Variants in THADA observed in about 807,000 individuals in gnomAD.
The protein encoded by THADA is tRNA (32-2'-O)-methyltransferase regulator THADA.
In THADA, 213 loss-of-function variants were observed where a neutral mutation model predicts 219.8. The observed-to-expected ratio is 0.97, with a 90% confidence interval of 0.87 to 1.09. The LOEUF (loss-of-function observed/expected upper bound fraction) is 1.09. THADA is among the 50% of genes least tolerant of loss of function. The pLI, the probability that THADA is intolerant of heterozygous loss-of-function variation, is 0.00. For missense variants in THADA, 2,956 were observed against 2,311.3 expected, an observed-to-expected ratio of 1.28 and a Z score of -5.72; for synonymous variants, 1,018 against 828.9, an observed-to-expected ratio of 1.23 and a Z score of -3.92.
At chr2:43,398,358 G>T (rs1674362131) in intron 28 of THADA, among the ~76,000 whole-genome samples, 1 of 152,164 alleles carries the variant, frequency 6.6e-6, no homozygotes, top group East Asian at 1.9e-4. Context: ...CTTTATCATG[G>T]AGATTAAATG....
chr2:43,520,080 A>G (rs932577516), intron 22 of THADA, among the ~76,000 whole-genome samples: 3 of 152,166 alleles, frequency 2.0e-5, no homozygotes, highest in Non-Finnish European at 4.4e-5. Flanking sequence ...TCATCACACA[A>G]TCCAGGGCCT....
intron 26 of THADA, among the ~76,000 whole-genome samples, chr2:43,449,845 G>C (rs1682091951): frequency 6.6e-6 from 1 of 152,176 alleles, no homozygotes; most frequent in African/African-American, 2.4e-5. Context: ...AACTTTGGAG[G>C]CTAGAAGGCA....
At chr2:43,434,462 C>T (rs1679809889) in intron 26 of THADA, among the ~76,000 whole-genome samples, 1 of 152,168 alleles carries the variant, frequency 6.6e-6, no homozygotes, top group African/African-American at 2.4e-5. Context: ...CCCGCCATGC[C>T]CCCAACCTGT....
At chr2:43,370,985 A>G (rs1670735366) in intron 29 of THADA, among the ~76,000 whole-genome samples, 1 of 152,222 alleles carries the variant, frequency 6.6e-6, no homozygotes, top group African/African-American at 2.4e-5. Context: ...GTAACAAAAG[A>G]GCTAACATCA....
chr2:43,248,893 C>A (rs753694180), intron 36 of THADA, among the ~76,000 whole-genome samples: 1 of 152,134 alleles, frequency 6.6e-6, no homozygotes, highest in Non-Finnish European at 1.5e-5. Context: ...CTCTGAGGCG[C>A]CCTCCTCTGC....
intron 36 of THADA, among the ~76,000 whole-genome samples, chr2:43,263,312 C>T (rs1214405975): frequency 6.6e-6 from 1 of 152,112 alleles, no homozygotes; most frequent in African/African-American, 2.4e-5. Context: ...GATACTTTCT[C>T]CTTCAGCCTA....
intron 26 of THADA, among the ~76,000 whole-genome samples, chr2:43,468,678 A>G (rs923975005): frequency 6.6e-6 from 1 of 152,170 alleles, no homozygotes; most frequent in Non-Finnish European, 1.5e-5. Context: ...TCCCCCACCA[A>G]CTTAAGAATT....
chr2:43,443,785 A>G (rs540750155), intron 26 of THADA, among the ~76,000 whole-genome samples: 1 of 152,322 alleles, frequency 6.6e-6, no homozygotes, highest in Admixed American at 6.5e-5. Context: ...CTCTCCCACC[A>G]GGTAAGGATA....
chr2:43,592,493 C>T, intron 1 of THADA, 77 bp from the exon 2 acceptor site: 1 of 830,270 alleles, frequency 1.2e-6, no homozygotes, highest in South Asian at 1.5e-5. Flanking sequence ...TGGGTTCATT[C>T]TTTGTTGAAC....
At chr2:43,589,632 T>C (rs1432761590) in intron 4 of THADA, among the ~76,000 whole-genome samples, 2 of 152,194 alleles carry the variant, frequency 1.3e-5, no homozygotes, top group Non-Finnish European at 2.9e-5. Context: ...AGCTTATCTA[T>C]GAGGATGCAA....
chr2:43,283,937 G>C (rs1417938230), intron 35 of THADA, among the ~76,000 whole-genome samples: 2 of 152,184 alleles, frequency 1.3e-5, no homozygotes, highest in Non-Finnish European at 2.9e-5. Flanking sequence ...CCAGCACTTT[G>C]GGAGGCTGAG....
chr2:43,426,105 C>G (rs1678391124), intron 28 of THADA, among the ~76,000 whole-genome samples: 1 of 152,034 alleles, frequency 6.6e-6, no homozygotes, highest in Admixed American at 6.5e-5. Flanking sequence ...AAATGATGCC[C>G]TAAGTACACT....
rs114640338 is a variant in THADA, at chr2:43,493,938, C to G, written c.3744+4895G>C. ...CCACTTTTACCTACATCAATCACAT[C>G]CCATGACTCCCCTGCTATAAATTTC... is the stretch of plus-strand genomic sequence containing the variant. On this transcript the variant is annotated intron_variant, in intron 25 of 37. Transcript: ENST00000405975. 1.8e-3 allele frequency among the ~76,000 whole-genome samples: 275 copies of G among 152,310 alleles called. 2 individuals carry two copies. The highest frequency in any genetic ancestry group is 6.1e-3 in the African/African-American group (254 of 41,580).
At chr2:43,485,365 T>C in intron 25 of THADA, 40 bp from the exon 26 acceptor site, 2 of 1,463,620 alleles carry the variant, frequency 1.4e-6, no homozygotes, top group Non-Finnish European at 1.9e-6. Context: ...TTAAATATTC[T>C]TGGCATGAAA....
At chr2:43,306,744 A>G (rs1676909672) in intron 31 of THADA, among the ~76,000 whole-genome samples, 1 of 152,248 alleles carries the variant, frequency 6.6e-6, no homozygotes, top group African/African-American at 2.4e-5. Flanking sequence ...TGTGAAGTCC[A>G]GCCCCAACAT....
chr2:43,471,048 T>A (rs1684848083), intron 26 of THADA, among the ~76,000 whole-genome samples: 2 of 152,162 alleles, frequency 1.3e-5, no homozygotes, highest in African/African-American at 4.8e-5. Flanking sequence ...ACTGAAAACA[T>A]ACAGGTGTTT....
chr2:43,514,664 A>G (rs1280129204), intron 22 of THADA, among the ~76,000 whole-genome samples: 2 of 86,588 alleles, frequency 2.3e-5, no homozygotes, highest in Non-Finnish European at 4.0e-5. Flanking sequence ...ATTGTATATA[A>G]TAATATATAA....
In THADA at chr2:43,413,862, G is replaced by A. The variant is rs901628946; in HGVS notation, c.4058+14238C>T. Among the ~76,000 whole-genome samples, 4 of 152,174 alleles carry A rather than the reference G, an allele frequency of 2.6e-5. No homozygotes were observed. In the East Asian group the frequency reaches 5.8e-4, roughly 22 times the overall value. On this transcript the variant is annotated intron_variant, in intron 28 of 37. Transcript: ENST00000405975. ...TCCCATTCAAAATAATGCAGGCCAT[G>A]CAGCCCACCCATATTGTACAGTTGG...
rs7578597 is a variant in THADA at position 43,505,684 on chromosome 2, T to C, written c.3559A>G (p.Thr1187Ala). The C allele has an allele frequency of 0.11, 174,367 of 1,593,848 alleles. 11,113 individuals are homozygous for C. Among genetic ancestry groups the C allele is most frequent in the African/African-American group, 0.27 (19,910 of 74,806 alleles). Reference protein sequence around the residue: ...KKGRMDLLKITMKELISLAGP... With the variant: ...KKGRMDLLKIAMKELISLAGP... ...GCCAAAGAGATTAACTCTTTCATTG[T>C]TATTTTCAACAAATCCATTCTGCCT... The change falls in exon 24 of 38, where the codon ACA becomes GCA. Residue 1187 changes from threonine (T) to alanine (A), a missense_variant. Physicochemically the swap from Thr to Ala is moderately conservative, Grantham distance 58 (BLOSUM62 0). Transcript: ENST00000405975.
Sources: allele counts gnomAD v4.1 joint callset (sites outside exome capture counted in the v4.1 genomes callset), GRCh38; gene constraint gnomAD v4.1.1; transcripts MANE v1.5; gene names NCBI Gene and HGNC (gene_info 2026-07-23, HGNC 2026-07-21).